BAHCC1: variants seen among roughly 807,000 people sequenced by gnomAD.
BAHCC1 encodes the protein BAH and coiled-coil domain-containing protein 1.
BAHCC1 carries 43 observed loss-of-function variants against 88.2 expected under a neutral mutation model. The observed-to-expected ratio is 0.49, with a 90% CI of 0.38 to 0.63. The LOEUF (loss-of-function observed/expected upper bound fraction) is 0.63, where lower values mean the gene tolerates loss of function less well. BAHCC1 is among the 20% of genes least tolerant of loss of function. The pLI, the probability that BAHCC1 is intolerant of heterozygous loss-of-function variation, is 0.00. For synonymous variants in BAHCC1, 1,510 were observed against 745.5 expected (o/e 2.03, Z -16.71); for missense variants, 3,023 against 1,654.8 (o/e 1.83, Z -14.34).
Position 81,447,796 on chromosome 17 carries a change from C to A in BAHCC1, c.3924C>A (p.Ser1308Arg). ...SSGIHGIALL[S>R]ELADLAIQRQ... ...GGATTCATGGGATCGCTCTGCTCAGCGAGCTGGCTGACCTGGCAATCCAGC... is the reference window on the plus strand; with the variant it reads ...GGATTCATGGGATCGCTCTGCTCAGAGAGCTGGCTGACCTGGCAATCCAGC... Residue 1308 changes from serine to arginine, a missense_variant, in exon 11 of 28, where the codon AGC becomes AGA. Transcript: ENST00000675386. 1.3e-6 allele frequency: 1 copy of A among 752,242 alleles called. No individual in the cohort carries two copies. Among genetic ancestry groups the A allele is most frequent in the Non-Finnish European group, 2.5e-6 (1 of 404,452 alleles). The allele number at this position is 752,242 out of a possible 1,614,324, so 46.6% of individuals were successfully genotyped here.
At chr17:81,425,882 TG>T (rs2064186488) in intron 2 of BAHCC1, among the ~76,000 whole-genome samples, 2 of 137,558 alleles carry the variant, frequency 1.5e-5, no homozygotes. Context: ...ATGTGGTTGG[TG>T]GTGATGTGGT....
chr17:81,430,313 G>A (rs1460239799), intron 3 of BAHCC1, among the ~76,000 whole-genome samples: 2 of 152,200 alleles, frequency 1.3e-5, no homozygotes, highest in Non-Finnish European at 2.9e-5. Flanking sequence ...TGGGGGCAGG[G>A]GCTGCTGAGA....
intron 3 of BAHCC1, among the ~76,000 whole-genome samples, chr17:81,433,850 G>A (rs1356275260): frequency 2.6e-5 from 4 of 152,244 alleles, no homozygotes; most frequent in Non-Finnish European, 5.9e-5. Flanking sequence ...CAGCACTCGG[G>A]GCCTGGCGGT....
rs373861162 is a variant in BAHCC1, at chr17:81,456,277, C to T, written c.4570-20C>T. 5 of 700,614 alleles carry T rather than the reference C, an allele frequency of 7.1e-6. No individual in the cohort carries two copies. Among genetic ancestry groups the T allele is most frequent in the Non-Finnish European group, 1.3e-5 (5 of 380,508 alleles). 43.4% of individuals were successfully genotyped at this position (700,614 alleles called of 1,614,324 possible). A position where few individuals can be genotyped will look rare whatever the true frequency, so the allele number is the denominator to read the frequency against. ...TGCAGAGGGCGCCCTGAGAGTGCAG[C>T]TGCCCCTCCCTGTTCACAGGAGAAG... On this transcript the variant is annotated intron_variant, in intron 15 of 27. Coordinates refer to ENST00000675386, the MANE Select transcript of BAHCC1 (RefSeq NM_001377448.1).
intron 2 of BAHCC1, among the ~76,000 whole-genome samples, chr17:81,404,173 G>A (rs915675644): frequency 2.6e-5 from 4 of 152,128 alleles, no homozygotes; most frequent in Non-Finnish European, 5.9e-5. Flanking sequence ...ACATGGATGA[G>A]GCTAAAAATA....
In BAHCC1 at chr17:81,445,026, G is replaced by A. The variant is rs781810028; in HGVS notation, c.2683G>A (p.Asp895Asn). 3 of 763,706 alleles carry A rather than the reference G, an allele frequency of 3.9e-6. No homozygotes were observed. Among genetic ancestry groups the A allele is most frequent in the Admixed American group, 1.8e-5 (1 of 56,894 alleles). The allele number at this position is 763,706 out of a possible 1,614,324, so 47.3% of individuals were successfully genotyped here. Residue 895 changes from aspartate to asparagine, a missense_variant, in exon 9 of 28, where the codon GAC (aspartate) becomes AAC (asparagine). Asp to Asn is a conservative substitution (Grantham distance 23). Coordinates refer to ENST00000675386, the MANE Select transcript of BAHCC1 (RefSeq NM_001377448.1). ...GGCCCTGCCCACAGCGGATGTCATG[G>A]ACCAGGCGTCACTGTGGCCCCCCAT... Reference protein sequence around the residue: ...SAPHALADVMDQASLWPPMYG... With the variant: ...SAPHALADVMNQASLWPPMYG...
intron 19 of BAHCC1, 39 bp from the exon 20 acceptor site, chr17:81,458,774 G>A (rs181578326): frequency 1.7e-5 from 13 of 754,612 alleles, no homozygotes; most frequent in Middle Eastern, 2.3e-4. Context: ...CCTGCACCCC[G>A]CCTGCACCCC....
In BAHCC1 at chr17:81,451,725, C is replaced by T; in HGVS notation, c.4034C>T (p.Ala1345Val). 1 of 776,374 alleles carries T rather than the reference C, an allele frequency of 1.3e-6. No individual in the cohort carries two copies. The highest frequency in any genetic ancestry group is 1.7e-5 in the Admixed American group (1 of 58,940). The allele number at this position is 776,374 out of a possible 1,614,324, so 48.1% of individuals were successfully genotyped here. Residue 1345 changes from alanine (A) to valine (V), a missense_variant, in exon 12 of 28, where the codon GCC becomes GTC. By Grantham distance (64) the Ala-to-Val change is moderately conservative (BLOSUM62 0). Transcript: ENST00000675386. ...CAGCACCTGGCCACGCTGGCCACAGCCTGGTCCCTGGTGGAGGCCGCTGGC... is the reference window on the plus strand; with the variant it reads ...CAGCACCTGGCCACGCTGGCCACAGTCTGGTCCCTGGTGGAGGCCGCTGGC... ...NLQHLATLATAWSLVEAAGLD... is the reference protein window; with the variant it reads ...NLQHLATLATVWSLVEAAGLD...
intron 2 of BAHCC1, among the ~76,000 whole-genome samples, chr17:81,423,863 G>T (rs2064143430): frequency 6.6e-6 from 1 of 152,234 alleles, no homozygotes; most frequent in South Asian, 2.1e-4. Flanking sequence ...GATGGTCCGG[G>T]AGAGCTGGGC....
chr17:81,460,348 A>G lies in BAHCC1; in HGVS notation c.5977A>G (p.Ile1993Val). The G allele has an allele frequency of 1.3e-6, 1 of 775,992 alleles. No individual in the cohort carries two copies. The allele number at this position is 775,992 out of a possible 1,614,324, so 48.1% of individuals were successfully genotyped here. A position where few individuals can be genotyped will look rare whatever the true frequency, so the allele number is the denominator to read the frequency against. Residue 1993 changes from isoleucine (I) to valine (V), a missense_variant, in exon 24 of 28, where the codon ATC (isoleucine) becomes GTC (valine). Coordinates refer to ENST00000675386, the MANE Select transcript of BAHCC1 (RefSeq NM_001377448.1). ...VEFDDGDTGH[I>V]AVSNVRLLPP... ...ATTTGACGATGGGGATACAGGCCACATCGCCGTCTCCAACGTCAGGCTGCT... is the reference window on the plus strand; with the variant it reads ...ATTTGACGATGGGGATACAGGCCACGTCGCCGTCTCCAACGTCAGGCTGCT...
intron 10 of BAHCC1, among the ~76,000 whole-genome samples, chr17:81,446,360 A>AT (rs1314317394): frequency 2.6e-5 from 4 of 151,104 alleles, no homozygotes; most frequent in African/African-American, 9.8e-5. Flanking sequence ...GAAAACCCTG[A>AT]TTAAAGCATC....
chr17:81,402,646 C>T (rs1245340377), intron 2 of BAHCC1: 1 of 152,230 alleles, frequency 6.6e-6, no homozygotes, highest in Non-Finnish European at 1.5e-5. Context: ...TAGAATCCAA[C>T]CATCGGGGAT....
chr17:81,407,775 C>T (rs2063899303), intron 2 of BAHCC1, among the ~76,000 whole-genome samples: 1 of 152,226 alleles, frequency 6.6e-6, no homozygotes, highest in Non-Finnish European at 1.5e-5. Flanking sequence ...CTCACAGCTG[C>T]TCACACTCAC....
chr17:81,463,615 C>T lies in BAHCC1; in HGVS notation c.7625C>T (p.Ala2542Val), dbSNP rs781918039. The change falls in exon 28 of 28, where the codon GCG becomes GTG. Residue 2542 changes from alanine to valine, a missense_variant. Coordinates refer to ENST00000675386, the MANE Select transcript of BAHCC1 (RefSeq NM_001377448.1). ...LGKRQCDGKN[A>V]LYQSCHEDEN... is the part of the protein sequence containing the mutation. Reference sequence around the variant, plus strand: ...CCCCGCGCGCCTTGCCCCCAGAATGCGCTGTACCAGTCCTGCCACGAGGAT... The same window carrying T: ...CCCCGCGCGCCTTGCCCCCAGAATGTGCTGTACCAGTCCTGCCACGAGGAT... The T allele has an allele frequency of 9.0e-6, 7 of 779,560 alleles. No homozygotes were observed. Among genetic ancestry groups the T allele is most frequent in the East Asian group, 2.4e-5 (1 of 41,250 alleles). The allele number at this position is 779,560 out of a possible 1,614,324, so 48.3% of individuals were successfully genotyped here.
At chr17:81,455,963 CCTT>C (rs1568032428) in intron 15 of BAHCC1, among the ~76,000 whole-genome samples, 1 of 152,184 alleles carries the variant, frequency 6.6e-6, no homozygotes, top group African/African-American at 2.4e-5. Context: ...GGGGGCTGAT[CCTT>C]CTGCCCAGAT....
intron 10 of BAHCC1, among the ~76,000 whole-genome samples, chr17:81,446,275 C>T (rs563104197): frequency 1.8e-4 from 27 of 152,160 alleles, no homozygotes; most frequent in East Asian, 5.8e-4. Flanking sequence ...TTTTTCCCTT[C>T]GTTTTTTTTT....
chr17:81,443,963 C>CT (rs1555653559), intron 6 of BAHCC1, 46 bp downstream of exon 6: 2 of 699,140 alleles, frequency 2.9e-6, no homozygotes, highest in South Asian at 3.0e-5. Context: ...TAGGCCTGGG[C>CT]TTGGGGCTCC....
intron 14 of BAHCC1, among the ~76,000 whole-genome samples, chr17:81,453,608 C>CCCCTG (rs1318387450): frequency 7.9e-5 from 12 of 152,036 alleles, no homozygotes; most frequent in African/African-American, 1.9e-4. Context: ...CCCAGAGCTG[C>CCCCTG]CCCTGCCCTG....
chr17:81,436,499 A>C (rs1868696451), intron 3 of BAHCC1, among the ~76,000 whole-genome samples: 1 of 152,196 alleles, frequency 6.6e-6, no homozygotes, highest in Non-Finnish European at 1.5e-5. Flanking sequence ...GAGGCCTCGT[A>C]AAACATTTAA....
Sources: gnomAD v4.1 joint callset for allele counts (sites outside exome capture counted in the v4.1 genomes callset) on GRCh38, gnomAD v4.1.1 for gene constraint, MANE v1.5 for transcripts, NCBI Gene and HGNC (gene_info 2026-07-23, HGNC 2026-07-21) for gene names.